Variants in TOP2B observed in about 807,000 individuals in gnomAD.
TOP2B encodes the protein DNA topoisomerase 2-beta.
In TOP2B, 51 loss-of-function variants were observed where a neutral mutation model predicts 193.5. The observed-to-expected ratio is 0.26, with a 90% CI of 0.21 to 0.33. The LOEUF (loss-of-function observed/expected upper bound fraction) is 0.33, where lower values mean the gene tolerates loss of function less well. Among genes scored for constraint, TOP2B ranks in the 10% least tolerant of loss-of-function variants. The pLI, the probability that TOP2B is intolerant of heterozygous loss-of-function variation, is 1.00. For missense variants in TOP2B, 1,378 were observed against 1,909.3 expected (o/e 0.72, Z 5.19); for synonymous variants, 634 against 635.7 (o/e 1.00, Z 0.04).
chr3:25,645,509 A>C, intron 1 of TOP2B, 39 bp from the exon 2 acceptor site: 1 of 1,517,656 alleles, frequency 6.6e-7, no homozygotes, highest in Non-Finnish European at 8.9e-7. Context: ...ATAACCTACC[A>C]AGGGGTAGAC....
chr3:25,614,541 T>A lies in TOP2B; in HGVS notation c.3591+664A>T, dbSNP rs139530700. Reference sequence around the variant, plus strand: ...TTTTAGGCAGCTAATTTACCACACTTGTTCTTAAGAGTTCTAATTCTGACT... The same window carrying A: ...TTTTAGGCAGCTAATTTACCACACTAGTTCTTAAGAGTTCTAATTCTGACT... On this transcript the variant is annotated intron_variant, in intron 27 of 35. Coordinates refer to ENST00000264331, the MANE Select transcript of TOP2B (RefSeq NM_001330700.2). Among the ~76,000 whole-genome samples, 44 of 152,146 alleles carry A rather than the reference T, an allele frequency of 2.9e-4. No individual in the cohort carries two copies. In the East Asian group the frequency reaches 7.9e-3, roughly 27 times the overall value.
chr3:25,661,939 A>G (rs560236669), intron 1 of TOP2B, among the ~76,000 whole-genome samples: 235 of 152,330 alleles, frequency 1.5e-3, no homozygotes, highest in Non-Finnish European at 2.2e-3. Flanking sequence ...GCAACATAAC[A>G]CTAGCTTCAA....
Position 25,664,240 on chromosome 3 carries a change from G to C in TOP2B, c.58C>G (p.Leu20Val). The change falls in exon 1 of 36, where the codon CTG (leucine) becomes GTG (valine). Residue 20 changes from leucine to valine, a missense_variant. By Grantham distance (32) the Leu-to-Val change is conservative. Transcript: ENST00000264331. ...GACCAGCCACTTACCACCCAGGTCA[G>C]TGCCCCGTTGCCGCCGCCCACGCCG... is the stretch of plus-strand genomic sequence containing the variant. ...GAGVGGGNGA[L>V]TWVTLFDQNN... 1 of 1,538,780 alleles carries C rather than the reference G, an allele frequency of 6.5e-7. No homozygotes were observed. The highest frequency in any genetic ancestry group is 8.7e-7 in the Non-Finnish European group (1 of 1,145,956).
At chr3:25,651,116 T>C (rs1703574043) in intron 1 of TOP2B, among the ~76,000 whole-genome samples, 1 of 152,202 alleles carries the variant, frequency 6.6e-6, no homozygotes. Flanking sequence ...TGAAGACTAT[T>C]TGTATACAGA....
At chr3:25,627,482 C>T (rs1167311731) in intron 15 of TOP2B, among the ~76,000 whole-genome samples, 186 bp from the exon 16 acceptor site, 3 of 151,948 alleles carry the variant, frequency 2.0e-5, no homozygotes, top group South Asian at 2.1e-4. Context: ...AAGCACACAA[C>T]GCTACCTATG....
intron 1 of TOP2B, among the ~76,000 whole-genome samples, chr3:25,657,886 C>G (rs1703793575): frequency 6.8e-6 from 1 of 147,044 alleles, no homozygotes; most frequent in African/African-American, 2.7e-5. Flanking sequence ...ACGGTGAAAC[C>G]CCGTCTCTAC....
chr3:25,611,724 T>C (rs1377960899), intron 28 of TOP2B, among the ~76,000 whole-genome samples: 1 of 151,978 alleles, frequency 6.6e-6, no homozygotes, highest in Non-Finnish European at 1.5e-5. Context: ...TCAGTGCCAA[T>C]GACACAGGAT....
chr3:25,617,215 T>C (rs2125360689), intron 25 of TOP2B, among the ~76,000 whole-genome samples: 1 of 152,226 alleles, frequency 6.6e-6, no homozygotes, highest in Middle Eastern at 3.4e-3. Flanking sequence ...GCTTACTAGT[T>C]ACTTTTTTTA....
chr3:25,644,462 G>A (rs1158430788), intron 2 of TOP2B, among the ~76,000 whole-genome samples: 1 of 152,006 alleles, frequency 6.6e-6, no homozygotes, highest in African/African-American at 2.4e-5. Flanking sequence ...GCACTCTGGG[G>A]GGCCAAGGTG....
intron 33 of TOP2B, among the ~76,000 whole-genome samples, chr3:25,603,918 G>T (rs1232207104): frequency 6.6e-6 from 1 of 152,222 alleles, no homozygotes; most frequent in East Asian, 1.9e-4. Flanking sequence ...CAAAGAGGAA[G>T]TCCTCAGGCA....
chr3:25,630,417 G>C lies in TOP2B; in HGVS notation c.1458C>G (p.Ala486=), dbSNP rs1403283124. Residue 486 remains alanine (A), a synonymous_variant, in exon 12 of 36, where the codon GCC becomes GCG. Coordinates refer to ENST00000264331, the MANE Select transcript of TOP2B (RefSeq NM_001330700.2). The stretch of plus-strand genomic sequence containing the variant: ...CTAATCCAGACACAGCCAGTGATTT[G>C]GCAGAGTCTCCCTCTGTTAATATCA... ...CTLILTEGDS[A]KSLAVSGLGV... is the part of the protein sequence containing the mutation. 1 of 1,552,868 alleles carries C rather than the reference G, an allele frequency of 6.4e-7. No homozygotes were observed. The highest frequency in any genetic ancestry group is 1.2e-5 in the South Asian group (1 of 84,116).
chr3:25,621,221 G>C (rs1702650610), intron 21 of TOP2B, among the ~76,000 whole-genome samples: 1 of 152,076 alleles, frequency 6.6e-6, no homozygotes, highest in Non-Finnish European at 1.5e-5. Flanking sequence ...TATTTTGTTT[G>C]ACTATTTTGA....
intron 23 of TOP2B, among the ~76,000 whole-genome samples, chr3:25,619,211 C>T (rs143253398): frequency 6.6e-6 from 1 of 152,008 alleles, no homozygotes; most frequent in Non-Finnish European, 1.5e-5. Flanking sequence ...TAAAAATGTT[C>T]AAGTTTTTCC....
At chr3:25,598,816 T>G (rs1329742195) in intron 35 of TOP2B, among the ~76,000 whole-genome samples, 1 of 152,082 alleles carries the variant, frequency 6.6e-6, no homozygotes, top group East Asian at 1.9e-4. Context: ...TAAGTACATA[T>G]CAAGAATTCA....
rs368181771 is a variant in TOP2B at position 25,626,762 on chromosome 3, T to C, written c.2109+10A>G. On this transcript the variant is annotated intron_variant, in intron 17 of 35. Transcript: ENST00000264331. ...CTTCTTTCCCCAGGTCACCACTCTTTAAGACTAACCTCTGGTAAGCCATGT... is the reference window on the plus strand; with the variant it reads ...CTTCTTTCCCCAGGTCACCACTCTTCAAGACTAACCTCTGGTAAGCCATGT... The C allele has an allele frequency of 7.5e-6, 12 of 1,600,026 alleles. No individual in the cohort carries two copies. In the African/African-American group the frequency reaches 1.5e-4, roughly 20 times the overall value.
rs1200447975 is a variant in TOP2B, at chr3:25,630,293, T to C, written c.1563+19A>G. 1.9e-6 allele frequency: 3 copies of C among 1,548,870 alleles called. No homozygotes were observed. Among genetic ancestry groups the C allele is most frequent in the Non-Finnish European group, 1.7e-6 (2 of 1,145,166 alleles). ...GTGTGCATGTGTGTATACACATATA[T>C]ATACACACACATACATACCTGTTTA... On this transcript the variant is annotated intron_variant, in intron 12 of 35. Coordinates refer to ENST00000264331, the MANE Select transcript of TOP2B (RefSeq NM_001330700.2).
intron 28 of TOP2B, among the ~76,000 whole-genome samples, chr3:25,612,003 C>A (rs1012995047): frequency 4.6e-5 from 7 of 151,850 alleles, no homozygotes; most frequent in Non-Finnish European, 1.5e-5. Context: ...AGTGCAGTGG[C>A]ACAATCTCGG....
At chr3:25,602,396 C>T (rs77428080) in intron 33 of TOP2B, among the ~76,000 whole-genome samples, 1 of 41,440 alleles carries the variant, frequency 2.4e-5, no homozygotes, top group Non-Finnish European at 4.9e-5. Flanking sequence ...GACTCTGTCT[C>T]AAAAAAAAAA....
chr3:25,604,391 C>G (rs1702182154), intron 33 of TOP2B, among the ~76,000 whole-genome samples: 1 of 152,180 alleles, frequency 6.6e-6, no homozygotes, highest in South Asian at 2.1e-4. Flanking sequence ...AGGACCTCAA[C>G]TGAGCTGACC....
Sources: allele counts gnomAD v4.1 joint callset (sites outside exome capture counted in the v4.1 genomes callset), GRCh38; gene constraint gnomAD v4.1.1; transcripts MANE v1.5; gene names NCBI Gene and HGNC (gene_info 2026-07-23, HGNC 2026-07-21).